The following SYNPR variants were observed in gnomAD, a reference collection of about 807,000 sequenced individuals.
The protein encoded by SYNPR is synaptoporin.
Under a neutral mutation model 32.9 loss-of-function variants are expected in SYNPR, and 23 were observed. The ratio of observed to expected loss-of-function variants is 0.70; its 90% CI spans 0.50 to 0.99. The LOEUF is 0.99. Ranked by LOEUF, SYNPR falls within the 50% of genes least tolerant of loss-of-function variation. The probability of loss-of-function intolerance (pLI) is 0.00; values close to 1 mark genes in which losing one functional copy is unlikely to be tolerated. For missense variants in SYNPR, 318 were observed against 349.3 expected (o/e 0.91, Z 0.71); for synonymous variants, 146 against 135.9 (o/e 1.07, Z -0.52).
At chr3:63,444,248 G>C (rs945989442) in intron 2 of SYNPR, 2 of 152,176 alleles carry the variant, frequency 1.3e-5, no homozygotes, top group Non-Finnish European at 2.9e-5. Flanking sequence ...ACCGTTGCTG[G>C]AAATGATTTT....
At chr3:63,416,602 G>A (rs776954354) in intron 2 of SYNPR, among the ~76,000 whole-genome samples, 10 of 149,464 alleles carry the variant, frequency 6.7e-5, no homozygotes, top group Admixed American at 4.7e-4. Flanking sequence ...GTATTAGTCC[G>A]TTTTCATGCT....
Position 63,358,376 on chromosome 3 carries a change from T to A in SYNPR, c.84+79634T>A, listed in dbSNP as rs111443092. On this transcript the variant is annotated intron_variant, in intron 2 of 5. Transcript: ENST00000478300. ...CTTGGCTCATGGCCCCTTCCTTGCATGGCTCCAATCTCTGCTTTTGTCATC... is the reference window on the plus strand; with the variant it reads ...CTTGGCTCATGGCCCCTTCCTTGCAAGGCTCCAATCTCTGCTTTTGTCATC... Among the ~76,000 whole-genome samples, 37 of 152,366 alleles carry A rather than the reference T, an allele frequency of 2.4e-4. 1 individual carries two copies. Among genetic ancestry groups the A allele is most frequent in the African/African-American group, 8.2e-4 (34 of 41,592 alleles).
In SYNPR at chr3:63,398,285, T is replaced by G. The variant is rs113905716; in HGVS notation, c.85-82547T>G. On this transcript the variant is annotated intron_variant, in intron 2 of 5. Transcript: ENST00000478300. ...TGCCTTAAAAAAAGGTTAAGTTTTC[T>G]GATTTTGGGTTGGAAGTAAAAGCAA... is the stretch of plus-strand genomic sequence containing the variant. Among the ~76,000 whole-genome samples the G allele has an allele frequency of 1.6e-3, 247 of 152,336 alleles. 4 individuals carry two copies. The highest frequency in any genetic ancestry group is 0.01 in the Middle Eastern group (3 of 294).
intron 3 of SYNPR, among the ~76,000 whole-genome samples, chr3:63,516,994 C>T (rs1028197316): frequency 7.2e-5 from 11 of 152,008 alleles, no homozygotes; most frequent in South Asian, 2.1e-4. Context: ...TTTATAAAAA[C>T]GATACCTACT....
At chr3:63,362,746 T>G (rs1302098739) in intron 2 of SYNPR, among the ~76,000 whole-genome samples, 2 of 152,200 alleles carry the variant, frequency 1.3e-5, no homozygotes, top group Non-Finnish European at 2.9e-5. Flanking sequence ...AGAAGAGGCC[T>G]TTCATGCTGA....
rs2087461015 is a variant in SYNPR, at chr3:63,348,144, C to T, written c.84+69402C>T. Among the ~76,000 whole-genome samples, 3 of 152,104 alleles carry T rather than the reference C, an allele frequency of 2.0e-5. No individual in the cohort carries two copies. The South Asian group carries it at 6.2e-4, about 32-fold the overall frequency. The stretch of plus-strand genomic sequence containing the variant: ...TAGAGGTTGTACTAATTTACATTCC[C>T]ACCAACATTGTATGTGGTCCCTTTT... On this transcript the variant is annotated intron_variant, in intron 2 of 5. Coordinates refer to ENST00000478300, the MANE Select transcript of SYNPR (RefSeq NM_001130003.2).
intron 2 of SYNPR, among the ~76,000 whole-genome samples, chr3:63,312,131 A>T (rs1017079207): frequency 3.9e-5 from 6 of 152,068 alleles, no homozygotes; most frequent in South Asian, 2.1e-4. Flanking sequence ...ATAATAAATA[A>T]TTCTAACAAC....
At chr3:63,391,810 C>T (rs1038993425) in intron 2 of SYNPR, among the ~76,000 whole-genome samples, 4 of 152,186 alleles carry the variant, frequency 2.6e-5, no homozygotes, top group African/African-American at 9.7e-5. Flanking sequence ...CACTTAACTC[C>T]TGTGCTAACC....
At chr3:63,289,153 G>C (rs1205444950) in intron 2 of SYNPR, among the ~76,000 whole-genome samples, 1 of 152,186 alleles carries the variant, frequency 6.6e-6, no homozygotes, top group Non-Finnish European at 1.5e-5. Context: ...AGTTGATGAT[G>C]TATCTACAAA....
rs2086597000 is a variant in SYNPR, at chr3:63,278,489, T to A, written c.-45T>A. ...GACGGTGGTGCCAAGCGAACTTCATTTTTAAAAAGAACTGGTGGATGAGAA... is the reference window on the plus strand; with the variant it reads ...GACGGTGGTGCCAAGCGAACTTCATATTTAAAAAGAACTGGTGGATGAGAA... On this transcript the variant is annotated 5_prime_UTR_variant, in exon 1 of 6. Coordinates refer to ENST00000478300, the MANE Select transcript of SYNPR (RefSeq NM_001130003.2). 2 of 1,536,854 alleles carry A rather than the reference T, an allele frequency of 1.3e-6. No individual in the cohort carries two copies. Among genetic ancestry groups the A allele is most frequent in the Non-Finnish European group, 1.8e-6 (2 of 1,139,406 alleles).
At chr3:63,417,651 G>C (rs955834525) in intron 2 of SYNPR, among the ~76,000 whole-genome samples, 2 of 152,198 alleles carry the variant, frequency 1.3e-5, no homozygotes, top group African/African-American at 2.4e-5. Context: ...TGAAATCTAG[G>C]TGGAGGTTTC....
chr3:63,514,947 T>C (rs1701768107), intron 3 of SYNPR, among the ~76,000 whole-genome samples: 1 of 152,128 alleles, frequency 6.6e-6, no homozygotes, highest in Non-Finnish European at 1.5e-5. Flanking sequence ...GTTACAGAGA[T>C]AAATGTTGTC....
chr3:63,331,023 T>C (rs1343339871), intron 2 of SYNPR, among the ~76,000 whole-genome samples: 1 of 152,218 alleles, frequency 6.6e-6, no homozygotes, highest in Non-Finnish European at 1.5e-5. Flanking sequence ...AACTGAACTC[T>C]GATTCTTCAT....
Position 63,615,428 on chromosome 3 carries a change from G to A in SYNPR, c.805G>A (p.Asp269Asn), listed in dbSNP as rs1359750817. The change falls in exon 6 of 6, where the codon GAT becomes AAT. Residue 269 changes from aspartate (D) to asparagine (N), a missense_variant. Coordinates refer to ENST00000478300, the MANE Select transcript of SYNPR (RefSeq NM_001130003.2). ...GCAGGCGAGTTTGGGGCCAACCTCA[G>A]ATGAGTTTGGCCAACAGCCTACTGG... Reference protein sequence around the residue: ...SQQASLGPTSDEFGQQPTGPT... With the variant: ...SQQASLGPTSNEFGQQPTGPT... 2 of 1,613,932 alleles carry A rather than the reference G, an allele frequency of 1.2e-6. No individual in the cohort carries two copies. Among genetic ancestry groups the A allele is most frequent in the South Asian group, 1.1e-5 (1 of 91,048 alleles).
rs556450796 is a variant in SYNPR, at chr3:63,254,638, T to C, written n.154+2052T>C. ...AGATAATTTTTTATTGTGTATATGA[T>C]TGGTGGGGAAGGGGGTCTGTCATAT... is the stretch of plus-strand genomic sequence containing the variant. On this transcript the variant is annotated intron_variant and non_coding_transcript_variant, in intron 2 of 4. Transcript: ENST00000478456. Among the ~76,000 whole-genome samples, 18 of 152,180 alleles carry C rather than the reference T, an allele frequency of 1.2e-4. No homozygotes were observed. In the South Asian group the frequency reaches 3.1e-3, roughly 26 times the overall value.
Position 63,469,608 on chromosome 3 carries a change from A to G in SYNPR, c.85-11224A>G, listed in dbSNP as rs531549847. Among the ~76,000 whole-genome samples, 6 of 152,322 alleles carry G rather than the reference A, an allele frequency of 3.9e-5. No individual in the cohort carries two copies. The South Asian group carries it at 8.3e-4, about 21-fold the overall frequency. Reference sequence around the variant, plus strand: ...TGCTGAATTTTTATTTTATCTTATTATTCCATTTTGACAAATATGAGAGAA... The same window carrying G: ...TGCTGAATTTTTATTTTATCTTATTGTTCCATTTTGACAAATATGAGAGAA... On this transcript the variant is annotated intron_variant, in intron 2 of 5. Transcript: ENST00000478300.
chr3:63,554,727 G>GTT (rs34793289), intron 3 of SYNPR, among the ~76,000 whole-genome samples: 33 of 149,784 alleles, frequency 2.2e-4, no homozygotes, highest in Middle Eastern at 3.5e-3. Context: ...TTTTAGAATA[G>GTT]TTTTTTTTTT....
rs140724438 is a variant in SYNPR, at chr3:63,390,760, T to G, written c.85-90072T>G. Among the ~76,000 whole-genome samples the G allele has an allele frequency of 4.2e-3, 635 of 152,312 alleles. 11 individuals are homozygous for G. Among genetic ancestry groups the G allele is most frequent in the African/African-American group, 0.015 (603 of 41,574 alleles). The stretch of plus-strand genomic sequence containing the variant: ...CGGGGCCTTCCCCCACATTGTTCCT[T>G]TGGCCTGGAATGCTCATCTCTAACT... On this transcript the variant is annotated intron_variant, in intron 2 of 5. Coordinates refer to ENST00000478300, the MANE Select transcript of SYNPR (RefSeq NM_001130003.2).
chr3:63,377,769 T>G (rs1198093973), intron 2 of SYNPR, among the ~76,000 whole-genome samples: 1 of 152,054 alleles, frequency 6.6e-6, no homozygotes. Context: ...TTTCATGATT[T>G]TTCCTCTTAC....
Sources: gnomAD v4.1 joint callset for allele counts (sites outside exome capture counted in the v4.1 genomes callset) on GRCh38, gnomAD v4.1.1 for gene constraint, MANE v1.5 for transcripts, NCBI Gene and HGNC (gene_info 2026-07-23, HGNC 2026-07-21) for gene names.